IL1RAPL1: variants seen among roughly 807,000 people sequenced by gnomAD.
The protein encoded by IL1RAPL1 is interleukin 1 receptor accessory protein like 1.
IL1RAPL1 carries 3 observed loss-of-function variants against 48.4 expected under a neutral mutation model. The ratio of observed to expected loss-of-function variants is 0.06; its 90% CI spans 0.03 to 0.16. The LOEUF (loss-of-function observed/expected upper bound fraction) is 0.16. Ranked by LOEUF, IL1RAPL1 falls within the 10% of genes least tolerant of loss-of-function variation. The pLI is 1.00. For synonymous variants in IL1RAPL1, 185 were observed against 187.7 expected, an observed-to-expected ratio of 0.99 and a Z score of 0.12; for missense variants, 349 against 530.6, an observed-to-expected ratio of 0.66 and a Z score of 3.36.
intron 6 of IL1RAPL1, among the ~76,000 whole-genome samples, chrX:29,825,497 T>C (rs1340865784): frequency 1.8e-5 from 2 of 111,620 alleles, no homozygotes; most frequent in East Asian, 2.8e-4. Context: ...TTTCCAGATA[T>C]ATCTCCACCA....
At chrX:29,249,331 G>C (rs1019503084) in intron 2 of IL1RAPL1, among the ~76,000 whole-genome samples, 3 of 112,043 alleles carry the variant, frequency 2.7e-5, no homozygotes, top group Admixed American at 9.5e-5. Flanking sequence ...ATTTAACTGT[G>C]CATTGAGCTA....
intron 3 of IL1RAPL1, among the ~76,000 whole-genome samples, chrX:29,362,421 C>T (rs943392590): frequency 1.8e-5 from 2 of 111,907 alleles, no homozygotes; most frequent in African/African-American, 6.5e-5. Flanking sequence ...TCCTGGGTAC[C>T]GCTGATTTTG....
At chrX:29,365,933 C>T (rs965984945) in intron 3 of IL1RAPL1, among the ~76,000 whole-genome samples, 3 of 105,884 alleles carry the variant, frequency 2.8e-5, no homozygotes, top group Non-Finnish European at 3.9e-5. Flanking sequence ...CCCAGCTACT[C>T]GGGAGGCTGA....
At chrX:29,414,490 G>A (rs1051889972) in intron 5 of IL1RAPL1, among the ~76,000 whole-genome samples, 1 of 111,005 alleles carries the variant, frequency 9.0e-6, no homozygotes, top group Non-Finnish European at 1.9e-5. Context: ...AGGCTGAGAC[G>A]AGAGGACCAC....
intron 6 of IL1RAPL1, among the ~76,000 whole-genome samples, chrX:29,748,691 T>C (rs1928391662): frequency 8.9e-6 from 1 of 112,900 alleles, no homozygotes; most frequent in African/African-American, 3.2e-5. Context: ...CTTTCTGTTT[T>C]AGAGTCATCT....
rs144534084 is a variant in IL1RAPL1 at position 29,585,994 on chromosome X, C to T, written c.704-82436C>T. Reference sequence around the variant, plus strand: ...TTTTATTCCGTGCTATAAGTTGCCTCTTCATTCTCTTGATTGTTTTTTGTT... The same window carrying T: ...TTTTATTCCGTGCTATAAGTTGCCTTTTCATTCTCTTGATTGTTTTTTGTT... On this transcript the variant is annotated intron_variant, in intron 5 of 10. Coordinates refer to ENST00000378993, the MANE Select transcript of IL1RAPL1 (RefSeq NM_014271.4). Among the ~76,000 whole-genome samples, 436 of 111,474 alleles carry T rather than the reference C, an allele frequency of 3.9e-3. 14 individuals carry two copies. The East Asian group carries it at 0.069, about 18-fold the overall frequency.
chrX:28,899,836 C>A (rs2147325580), intron 2 of IL1RAPL1, among the ~76,000 whole-genome samples: 1 of 111,316 alleles, frequency 9.0e-6, no homozygotes, highest in Non-Finnish European at 1.9e-5. Context: ...TGTGGGCTGG[C>A]CAGAAACTGA....
intron 6 of IL1RAPL1, among the ~76,000 whole-genome samples, chrX:29,886,232 T>C (rs1932163402): frequency 8.9e-6 from 1 of 112,633 alleles, no homozygotes; most frequent in African/African-American, 3.2e-5. Context: ...GCAAGCGTTT[T>C]ACATTTTTCT....
chrX:28,969,888 T>C (rs1271560639), intron 2 of IL1RAPL1, among the ~76,000 whole-genome samples: 3 of 108,489 alleles, frequency 2.8e-5, no homozygotes, highest in Admixed American at 9.9e-5. Flanking sequence ...TCTAAACACA[T>C]ATATATGTTT....
At chrX:29,753,582 A>G (rs753686134) in intron 6 of IL1RAPL1, among the ~76,000 whole-genome samples, 2 of 111,927 alleles carry the variant, frequency 1.8e-5, no homozygotes, top group East Asian at 5.6e-4. Flanking sequence ...TATAGACTTC[A>G]TGTAAATCAA....
chrX:29,605,285 A>T lies in IL1RAPL1; in HGVS notation c.704-63145A>T, dbSNP rs375926981. ...TGGAAGGAAGCCATCATGTCTTTAGACTTACAGTTATGTGTATTAATAACT... is the reference window on the plus strand; with the variant it reads ...TGGAAGGAAGCCATCATGTCTTTAGTCTTACAGTTATGTGTATTAATAACT... On this transcript the variant is annotated intron_variant, in intron 5 of 10. Transcript: ENST00000378993. 1.1e-4 allele frequency among the ~76,000 whole-genome samples: 12 copies of T among 111,523 alleles called. No homozygotes were observed. In the East Asian group the frequency reaches 1.7e-3, roughly 16 times the overall value.
intron 2 of IL1RAPL1, among the ~76,000 whole-genome samples, chrX:29,263,871 C>G (rs894793370): frequency 1.4e-5 from 1 of 71,363 alleles, no homozygotes; most frequent in Admixed American, 1.5e-4. Flanking sequence ...CCCCCCCCCC[C>G]GCTCTCATAG....
At chrX:29,730,193 A>C (rs1365541060) in intron 6 of IL1RAPL1, among the ~76,000 whole-genome samples, 1 of 112,031 alleles carries the variant, frequency 8.9e-6, no homozygotes, top group Non-Finnish European at 1.9e-5. Context: ...TGGTTCTTTC[A>C]GGGGACTTTT....
chrX:28,615,168 A>C (rs1030105036), intron 1 of IL1RAPL1, among the ~76,000 whole-genome samples: 10 of 89,174 alleles, frequency 1.1e-4, no homozygotes, highest in Admixed American at 6.9e-4. Context: ...GATTACAGGT[A>C]TGAGGCACTG....
chrX:29,773,434 C>A (rs767540331), intron 6 of IL1RAPL1, among the ~76,000 whole-genome samples: 3 of 112,151 alleles, frequency 2.7e-5, no homozygotes, highest in Non-Finnish European at 5.6e-5. Context: ...TGTCACTGTG[C>A]GGTAGCTTTA....
chrX:28,802,168 T>A (rs1936683548), intron 2 of IL1RAPL1, among the ~76,000 whole-genome samples: 1 of 112,440 alleles, frequency 8.9e-6, no homozygotes, highest in Non-Finnish European at 1.9e-5. Flanking sequence ...TATTTCTTTT[T>A]AAATAGCACA....
chrX:28,906,439 G>A (rs1306771253), intron 2 of IL1RAPL1, among the ~76,000 whole-genome samples: 1 of 112,000 alleles, frequency 8.9e-6, no homozygotes, highest in South Asian at 3.7e-4. Flanking sequence ...AGTCAGAGAC[G>A]TAATGAGGTA....
At chrX:29,036,686 C>G (rs1336910455) in intron 2 of IL1RAPL1, among the ~76,000 whole-genome samples, 1 of 111,261 alleles carries the variant, frequency 9.0e-6, no homozygotes, top group Non-Finnish European at 1.9e-5. Flanking sequence ...AGTTTTCTTA[C>G]CTGCAAAAAC....
intron 2 of IL1RAPL1, among the ~76,000 whole-genome samples, chrX:29,083,728 A>G (rs1391308582): frequency 8.9e-6 from 1 of 112,154 alleles, no homozygotes; most frequent in Non-Finnish European, 1.9e-5. Flanking sequence ...TCATTAGTTT[A>G]GTAATGGGAT....
Sources: gnomAD v4.1 joint callset for allele counts (sites outside exome capture counted in the v4.1 genomes callset) on GRCh38, gnomAD v4.1.1 for gene constraint, MANE v1.5 for transcripts, NCBI Gene and HGNC (gene_info 2026-07-23, HGNC 2026-07-21) for gene names.